RORB: variants seen among roughly 807,000 people sequenced by gnomAD.
RORB encodes the protein RAR related orphan receptor B.
A neutral mutation model predicts 59.1 loss-of-function variants in RORB; 6 were observed. The ratio of observed to expected loss-of-function variants is 0.10; its 90% CI spans 0.06 to 0.20. The LOEUF (loss-of-function observed/expected upper bound fraction) is 0.20. Ranked by LOEUF, RORB falls within the 10% of genes least tolerant of loss-of-function variation. RORB has a pLI of 1.00. For missense variants in RORB, 320 were observed against 560.5 expected (o/e 0.57, Z 4.33); for synonymous variants, 215 against 204.5 (o/e 1.05, Z -0.44).
chr9:74,669,978 C>CCA (rs1824323234), intron 8 of RORB, among the ~76,000 whole-genome samples: 1 of 151,912 alleles, frequency 6.6e-6, no homozygotes, highest in African/African-American at 2.4e-5. Flanking sequence ...TATTTAACCA[C>CCA]TTTATCAAAA....
chr9:74,656,641 C>T (rs929015590), intron 4 of RORB, among the ~76,000 whole-genome samples: 6 of 152,134 alleles, frequency 3.9e-5, no homozygotes, highest in African/African-American at 1.4e-4. Context: ...GAGGCTGAGG[C>T]AGGAGAATCA....
At chr9:74,537,627 G>A (rs1248447631) in intron 1 of RORB, among the ~76,000 whole-genome samples, 2 of 151,988 alleles carry the variant, frequency 1.3e-5, no homozygotes, top group Non-Finnish European at 1.5e-5. Flanking sequence ...CTTTGTTGCT[G>A]ACTAGTTGCA....
intron 1 of RORB, among the ~76,000 whole-genome samples, chr9:74,529,055 T>C (rs1048165896): frequency 6.6e-6 from 1 of 152,008 alleles, no homozygotes; most frequent in African/African-American, 2.4e-5. Flanking sequence ...CTATTCGTTA[T>C]CTATGAAGAT....
At chr9:74,659,941 A>T (rs1444523987) in intron 4 of RORB, among the ~76,000 whole-genome samples, 2 of 151,842 alleles carry the variant, frequency 1.3e-5, no homozygotes, top group African/African-American at 4.8e-5. Context: ...ATAAAAAATT[A>T]AAAAGGAGAA....
chr9:74,504,651 A>T (rs1825844702), intron 1 of RORB, among the ~76,000 whole-genome samples: 1 of 151,994 alleles, frequency 6.6e-6, no homozygotes. Context: ...GTCCTGGCTA[A>T]TTTAGAGGAA....
intron 1 of RORB, among the ~76,000 whole-genome samples, chr9:74,506,819 A>G (rs1825876883): frequency 1.3e-5 from 2 of 152,128 alleles, no homozygotes; most frequent in South Asian, 4.1e-4. Flanking sequence ...ATTGTTTTAA[A>G]TGCTGAATAT....
intron 1 of RORB, among the ~76,000 whole-genome samples, chr9:74,567,250 C>T (rs775290326): frequency 1.6e-4 from 25 of 152,120 alleles, no homozygotes; most frequent in Non-Finnish European, 3.5e-4. Context: ...TGGTCTTGAA[C>T]TCCTGTTCTC....
intron 1 of RORB, among the ~76,000 whole-genome samples, chr9:74,584,797 G>A (rs1587370422): frequency 6.6e-6 from 1 of 152,294 alleles, no homozygotes; most frequent in Middle Eastern, 3.4e-3. Context: ...GGAGCTATAG[G>A]AAAAAGGGAG....
intron 1 of RORB, among the ~76,000 whole-genome samples, chr9:74,520,546 C>A (rs1293498605): frequency 6.6e-6 from 1 of 151,850 alleles, no homozygotes; most frequent in Admixed American, 6.6e-5. Flanking sequence ...CAATAAATAT[C>A]AAATCTACTA....
At chr9:74,623,441 C>CTTTTTTTTTTTTT (rs35945048) in intron 1 of RORB, among the ~76,000 whole-genome samples, 1 of 145,460 alleles carries the variant, frequency 6.9e-6, no homozygotes, top group Non-Finnish European at 1.5e-5. Context: ...TTTTCTCTCT[C>CTTTTTTTTTTTTT]TTTTTTTTTT....
chr9:74,619,997 A>G (rs1823384914), intron 1 of RORB, among the ~76,000 whole-genome samples: 1 of 152,116 alleles, frequency 6.6e-6, no homozygotes, highest in South Asian at 2.1e-4. Flanking sequence ...TTGGTCTAAA[A>G]TTCTCTTTTT....
rs1287502775 is a variant in RORB at position 74,686,374 on chromosome 9, AAT to A, written c.*757_*758del. 21 of 152,634 alleles carry A rather than the reference AAT, an allele frequency of 1.4e-4. No individual in the cohort carries two copies. In the South Asian group the frequency reaches 4.4e-3, roughly 32 times the overall value. The allele number at this position is 152,634 out of a possible 1,614,324, so 9.5% of individuals were successfully genotyped here. On this transcript the variant is annotated 3_prime_UTR_variant, in exon 10 of 10. Transcript: ENST00000376896. Reference sequence around the variant, plus strand: ...TCTATATACAAACTCTATTTCTGTCAATGACATCAAAGCCTTGTCAAGATGGT... The same window carrying A: ...TCTATATACAAACTCTATTTCTGTCAGACATCAAAGCCTTGTCAAGATGGT...
chr9:74,598,055 T>C (rs1374835678), intron 1 of RORB, among the ~76,000 whole-genome samples: 1 of 152,158 alleles, frequency 6.6e-6, no homozygotes, highest in East Asian at 1.9e-4. Context: ...TTTCAGCTGT[T>C]TTTGCTACAT....
chr9:74,589,193 T>C (rs921373232), intron 1 of RORB, among the ~76,000 whole-genome samples: 1 of 152,192 alleles, frequency 6.6e-6, no homozygotes, highest in African/African-American at 2.4e-5. Context: ...AAGGATTTAG[T>C]AATTTTGCAA....
chr9:74,560,376 G>A (rs1465615732), intron 1 of RORB, among the ~76,000 whole-genome samples: 3 of 152,102 alleles, frequency 2.0e-5, no homozygotes, highest in African/African-American at 7.2e-5. Context: ...AAATTCTCTA[G>A]CAATGTAAGA....
chr9:74,519,944 A>G (rs2118065503), intron 1 of RORB, among the ~76,000 whole-genome samples: 1 of 151,982 alleles, frequency 6.6e-6, no homozygotes, highest in Admixed American at 6.6e-5. Context: ...CATTAACTAC[A>G]TATCAATTAA....
intron 3 of RORB, among the ~76,000 whole-genome samples, chr9:74,635,056 T>C (rs1823679032): frequency 6.6e-6 from 1 of 152,176 alleles, no homozygotes; most frequent in South Asian, 2.1e-4. Context: ...ACCATCTGTC[T>C]AGGTTTGCCT....
At chr9:74,585,932 C>CT (rs1822791873) in intron 1 of RORB, among the ~76,000 whole-genome samples, 2 of 151,738 alleles carry the variant, frequency 1.3e-5, no homozygotes, top group Admixed American at 1.3e-4. Context: ...GTAGCTGGGA[C>CT]TACAGGCGCG....
intron 1 of RORB, among the ~76,000 whole-genome samples, chr9:74,601,456 C>T (rs1823054878): frequency 2.0e-5 from 3 of 151,592 alleles, no homozygotes; most frequent in Admixed American, 1.3e-4. Context: ...CTAACCATCT[C>T]CCCAAGGCAA....
Sources: allele counts gnomAD v4.1 joint callset (sites outside exome capture counted in the v4.1 genomes callset), GRCh38; gene constraint gnomAD v4.1.1; transcripts MANE v1.5; gene names NCBI Gene and HGNC (gene_info 2026-07-23, HGNC 2026-07-21).